The following CNTN5 variants were observed in gnomAD, a reference collection of about 807,000 sequenced individuals.
CNTN5 encodes the protein contactin-5.
CNTN5 carries 77 observed loss-of-function variants against 129.1 expected under a neutral mutation model. The ratio of observed to expected loss-of-function variants is 0.60; its 90% CI spans 0.50 to 0.72. The LOEUF is 0.72. CNTN5 is among the 30% of genes least tolerant of loss of function. The pLI, the probability that CNTN5 is intolerant of heterozygous loss-of-function variation, is 0.00. For synonymous variants in CNTN5, 509 were observed against 465.6 expected (o/e 1.09, Z -1.20); for missense variants, 1,478 against 1,328.8 (o/e 1.11, Z -1.75).
intron 13 of CNTN5, among the ~76,000 whole-genome samples, chr11:100,092,960 C>T (rs148673127): frequency 1.3e-3 from 199 of 152,198 alleles, no homozygotes; most frequent in Non-Finnish European, 2.2e-3. Flanking sequence ...GATCCCTACT[C>T]GCCCTGGTTT....
chr11:99,631,987 C>A (rs917116423), intron 3 of CNTN5, among the ~76,000 whole-genome samples: 1 of 152,062 alleles, frequency 6.6e-6, no homozygotes, highest in African/African-American at 2.4e-5. Flanking sequence ...CTGTACCTAA[C>A]TTATAAATTA....
chr11:99,670,187 C>T (rs1213474237), intron 3 of CNTN5, among the ~76,000 whole-genome samples: 1 of 152,132 alleles, frequency 6.6e-6, no homozygotes, highest in Non-Finnish European at 1.5e-5. Flanking sequence ...AGGAAGTATT[C>T]TTAGGTTATG....
At chr11:99,817,360 C>G (rs946999615) in intron 3 of CNTN5, among the ~76,000 whole-genome samples, 2 of 152,170 alleles carry the variant, frequency 1.3e-5, no homozygotes, top group Admixed American at 6.5e-5. Flanking sequence ...GTGCGCTTAG[C>G]CAAATTAGCA....
chr11:99,077,941 G>A (rs1428555173), intron 1 of CNTN5, among the ~76,000 whole-genome samples: 2 of 152,034 alleles, frequency 1.3e-5, no homozygotes, highest in African/African-American at 2.4e-5. Flanking sequence ...GTTCTTTATA[G>A]CAGTATGAAA....
chr11:100,312,734 A>T (rs1338998824), intron 21 of CNTN5, among the ~76,000 whole-genome samples: 3 of 152,046 alleles, frequency 2.0e-5, no homozygotes, highest in Non-Finnish European at 4.4e-5. Flanking sequence ...CATAATTTTA[A>T]CTTCACATGC....
At chr11:100,149,504 TTGCTTTTAAAATTA>T (rs1234325787) in intron 13 of CNTN5, among the ~76,000 whole-genome samples, 5 of 152,154 alleles carry the variant, frequency 3.3e-5, no homozygotes, top group African/African-American at 1.2e-4. Flanking sequence ...GGAAAAGTGT[TTGCTTTTAAAATTA>T]TATTTATTGA....
intron 3 of CNTN5, among the ~76,000 whole-genome samples, chr11:99,669,800 C>A (rs943953305): frequency 6.6e-6 from 1 of 152,100 alleles, no homozygotes; most frequent in Non-Finnish European, 1.5e-5. Flanking sequence ...AGTATTTAAG[C>A]TACTCCTAGA....
intron 8 of CNTN5, among the ~76,000 whole-genome samples, chr11:99,988,087 A>G (rs1263507069): frequency 1.2e-4 from 19 of 152,210 alleles, no homozygotes. Flanking sequence ...GAACCATATC[A>G]TACACAGAGG....
chr11:99,421,150 T>C (rs76688615), intron 2 of CNTN5, among the ~76,000 whole-genome samples: 1 of 150,396 alleles, frequency 6.6e-6, no homozygotes, highest in Non-Finnish European at 1.5e-5. Flanking sequence ...TTTTTTTTTT[T>C]CCGCCTAATA....
At chr11:100,325,298 A>G (rs1443781902) in intron 21 of CNTN5, among the ~76,000 whole-genome samples, 2 of 152,192 alleles carry the variant, frequency 1.3e-5, no homozygotes, top group East Asian at 3.8e-4. Context: ...TATCAGTGAA[A>G]TATCTGTCCT....
intron 2 of CNTN5, among the ~76,000 whole-genome samples, chr11:99,528,251 C>T (rs375227595): frequency 3.0e-4 from 46 of 152,234 alleles, no homozygotes; most frequent in African/African-American, 5.5e-4. Flanking sequence ...CACAACAATA[C>T]TTCCTAGGCC....
Position 99,972,645 on chromosome 11 carries a change from A to C in CNTN5, c.877+15636A>C, listed in dbSNP as rs558189131. Among the ~76,000 whole-genome samples, 8 of 152,278 alleles carry C rather than the reference A, an allele frequency of 5.3e-5. No individual in the cohort carries two copies. In the East Asian group the frequency reaches 1.5e-3, roughly 29 times the overall value. ...GACCTTGAAAAGCAGAGTCCTTCAG[A>C]AAATTTCCGAAGAGAATGAAATCTT... is the stretch of plus-strand genomic sequence containing the variant. On this transcript the variant is annotated intron_variant, in intron 8 of 24. Transcript: ENST00000524871.
At chr11:99,226,692 A>G (rs1171886373) in intron 1 of CNTN5, among the ~76,000 whole-genome samples, 1 of 149,426 alleles carries the variant, frequency 6.7e-6, no homozygotes, top group African/African-American at 2.4e-5. Flanking sequence ...TTCTCCCTCT[A>G]AATAATAAGT....
At chr11:99,644,569 G>A (rs1464886055) in intron 3 of CNTN5, among the ~76,000 whole-genome samples, 3 of 151,962 alleles carry the variant, frequency 2.0e-5, no homozygotes, top group Non-Finnish European at 4.4e-5. Flanking sequence ...CATCAATATT[G>A]TAAAAAAATC....
chr11:99,680,647 C>G (rs543026769), intron 3 of CNTN5, among the ~76,000 whole-genome samples: 1 of 151,908 alleles, frequency 6.6e-6, no homozygotes, highest in East Asian at 2.0e-4. Context: ...ATGCCTATTA[C>G]ACAACATCCA....
chr11:99,128,951 C>T (rs12365183), intron 1 of CNTN5, among the ~76,000 whole-genome samples: 37,110 of 151,956 alleles, frequency 0.24, 4,910 homozygotes, highest in Middle Eastern at 0.3. Flanking sequence ...AAACCCTATC[C>T]GAAGATTGAC....
chr11:100,030,416 G>A (rs138449135), intron 9 of CNTN5, among the ~76,000 whole-genome samples: 13 of 152,220 alleles, frequency 8.5e-5, no homozygotes, highest in Admixed American at 8.5e-4. Flanking sequence ...GACAGCAGAA[G>A]TCTCTGTCTT....
At chr11:99,930,796 A>ACACACACAC (rs1950174060) in intron 7 of CNTN5, among the ~76,000 whole-genome samples, 1 of 149,456 alleles carries the variant, frequency 6.7e-6, no homozygotes, top group Non-Finnish European at 1.5e-5. Context: ...CATACACACA[A>ACACACACAC]ACACACACAC....
chr11:99,357,123 A>G (rs1393691534), intron 2 of CNTN5, among the ~76,000 whole-genome samples: 2 of 152,198 alleles, frequency 1.3e-5, no homozygotes, highest in South Asian at 2.1e-4. Flanking sequence ...TAAAGAGCCT[A>G]AGGAATTTGA....
Sources: gnomAD v4.1 joint callset for allele counts (sites outside exome capture counted in the v4.1 genomes callset) on GRCh38, gnomAD v4.1.1 for gene constraint, MANE v1.5 for transcripts, NCBI Gene and HGNC (gene_info 2026-07-23, HGNC 2026-07-21) for gene names.